Variants in ZNF431 observed in about 807,000 individuals in gnomAD.
ZNF431 encodes zinc finger protein 431.
A neutral mutation model predicts 57.0 loss-of-function variants in ZNF431; 34 were observed. That is an observed-to-expected ratio of 0.60 (90% CI 0.45 to 0.79). The LOEUF (loss-of-function observed/expected upper bound fraction) is 0.79, where lower values mean the gene tolerates loss of function less well. Ranked by LOEUF, ZNF431 falls within the 30% of genes least tolerant of loss-of-function variation. The pLI is 0.00. For synonymous variants in ZNF431, 207 were observed against 220.3 expected, an observed-to-expected ratio of 0.94 and a Z score of 0.54; for missense variants, 607 against 667.1, an observed-to-expected ratio of 0.91 and a Z score of 0.99.
chr19:21,162,204 A>G (rs535366517), intron 2 of ZNF431, among the ~76,000 whole-genome samples: 88 of 148,724 alleles, frequency 5.9e-4, no homozygotes, highest in African/African-American at 2.0e-3. Flanking sequence ...AATGGAGTCT[A>G]GCTCTGTAGC....
intron 4 of ZNF431, among the ~76,000 whole-genome samples, chr19:21,171,841 C>T (rs1970903087): frequency 6.6e-6 from 1 of 150,574 alleles, no homozygotes; most frequent in South Asian, 2.1e-4. Context: ...CTGCCTCAGC[C>T]TCCTGAGTTG....
chr19:21,149,263 A>C (rs1970195999), intron 2 of ZNF431, among the ~76,000 whole-genome samples: 1 of 152,228 alleles, frequency 6.6e-6, no homozygotes, highest in Non-Finnish European at 1.5e-5. Flanking sequence ...AATTTTTAAA[A>C]GTCAAAGAGC....
intron 2 of ZNF431, among the ~76,000 whole-genome samples, chr19:21,163,179 TAAAC>T (rs1970623926): frequency 6.6e-6 from 1 of 152,222 alleles, no homozygotes; most frequent in Non-Finnish European, 1.5e-5. Context: ...ACCTGCTTAA[TAAAC>T]ATTGCATTAT....
At chr19:21,146,980 C>A (rs913913840) in intron 2 of ZNF431, among the ~76,000 whole-genome samples, 2 of 152,160 alleles carry the variant, frequency 1.3e-5, no homozygotes, top group African/African-American at 4.8e-5. Flanking sequence ...GATATTTTTG[C>A]CTAACTATTC....
At chr19:21,165,774 C>T (rs1259951304) in intron 2 of ZNF431, among the ~76,000 whole-genome samples, 1 of 151,734 alleles carries the variant, frequency 6.6e-6, no homozygotes, top group East Asian at 1.9e-4. Flanking sequence ...ACTTTGTTTA[C>T]AAGCCAGAAA....
intron 4 of ZNF431, 93 bp from the exon 5 acceptor site, chr19:21,182,530 G>C (rs1329784743): frequency 3.0e-6 from 4 of 1,333,268 alleles, no homozygotes; most frequent in Non-Finnish European, 4.0e-6. Flanking sequence ...ATGGCATCTT[G>C]TTTATGTAGT....
In ZNF431 at chr19:21,166,364, A is replaced by C. The variant is rs775533589; in HGVS notation, c.126A>C (p.Ile42=). ...CATTGACATTTAGGGATGTGGCCAT[A>C]GAATTCTCTCTGGAGGAGTGGGAAT... ...KETLTFRDVA[I]EFSLEEWECL... The change falls in exon 3 of 5, where the codon ATA becomes ATC. Residue 42 remains isoleucine (I), a synonymous_variant. Coordinates refer to ENST00000311048, the MANE Select transcript of ZNF431 (RefSeq NM_133473.4). 9.3e-6 allele frequency: 15 copies of C among 1,613,432 alleles called. No homozygotes were observed. The highest frequency in any genetic ancestry group is 6.7e-5 in the Admixed American group (4 of 59,838).
chr19:21,158,172 GT>G (rs1970473400), intron 2 of ZNF431, among the ~76,000 whole-genome samples: 1 of 151,918 alleles, frequency 6.6e-6, no homozygotes, highest in East Asian at 1.9e-4. Context: ...AGCATAACAT[GT>G]TTTTTTAATT....
At chr19:21,175,382 A>T in intron 4 of ZNF431, 1 of 692,904 alleles carries the variant, frequency 1.4e-6, no homozygotes. Context: ...GCTTAAAGAT[A>T]TAAAGTTACT....
At chr19:21,169,815 A>G (rs1369198696) in intron 4 of ZNF431, 6 of 398,446 alleles carry the variant, frequency 1.5e-5, no homozygotes, top group Non-Finnish European at 2.2e-5. Context: ...AAAACTGATC[A>G]TGATCTGCGG....
At position 21,167,593 on chromosome 19, in the gene ZNF431, C is replaced by T; in HGVS notation, c.246C>T (p.Asp82=). Residue 82 remains aspartate, a synonymous_variant, in exon 4 of 5, where the codon GAC becomes GAT. Coordinates refer to ENST00000311048, the MANE Select transcript of ZNF431 (RefSeq NM_133473.4). ...CAGGTGTTGCTGTCTCTAAGCAAGACCCAGTCACCTGTCTGGAGCAAGAAA... is the reference window on the plus strand; with the variant it reads ...CAGGTGTTGCTGTCTCTAAGCAAGATCCAGTCACCTGTCTGGAGCAAGAAA... The part of the protein sequence containing the change: ...VFLGVAVSKQ[D]PVTCLEQEKE... 2 of 1,580,268 alleles carry T rather than the reference C, an allele frequency of 1.3e-6. No homozygotes were observed. The highest frequency in any genetic ancestry group is 1.7e-6 in the Non-Finnish European group (2 of 1,163,866).
At chr19:21,146,531 G>A (rs1009302956) in intron 2 of ZNF431, among the ~76,000 whole-genome samples, 2 of 152,118 alleles carry the variant, frequency 1.3e-5, no homozygotes, top group Admixed American at 1.3e-4. Context: ...TTGATTATAT[G>A]CTAAACAAGG....
intron 4 of ZNF431, among the ~76,000 whole-genome samples, chr19:21,174,836 G>C (rs1052984777): frequency 6.6e-6 from 1 of 151,782 alleles, no homozygotes; most frequent in Non-Finnish European, 1.5e-5. Context: ...CAATGGCATC[G>C]ATCTCTGCTC....
intron 2 of ZNF431, among the ~76,000 whole-genome samples, chr19:21,160,033 G>A (rs541533754): frequency 6.8e-6 from 1 of 146,812 alleles, no homozygotes; most frequent in East Asian, 2.0e-4. Context: ...TGCTAGAACA[G>A]CCTCTATGAG....
intron 2 of ZNF431, chr19:21,150,933 G>A (rs1410926599): frequency 6.9e-6 from 1 of 144,580 alleles, no homozygotes; most frequent in African/African-American, 2.7e-5. Flanking sequence ...AGTTTCATGA[G>A]GAAAAAGTGT....
chr19:21,150,940 G>A (rs1970254752), intron 2 of ZNF431: 2 of 103,002 alleles, frequency 1.9e-5, no homozygotes, highest in South Asian at 4.9e-4. Flanking sequence ...TGAGGAAAAA[G>A]TGTTTCTCAA....
intron 1 of ZNF431, among the ~76,000 whole-genome samples, chr19:21,142,847 A>G (rs2144909979): frequency 6.6e-6 from 1 of 152,162 alleles, no homozygotes; most frequent in East Asian, 1.9e-4. Flanking sequence ...GTTAGGGCTG[A>G]GTTTTGTTTC....
chr19:21,145,838 AG>A (rs1345748386), intron 2 of ZNF431, among the ~76,000 whole-genome samples: 1 of 152,208 alleles, frequency 6.6e-6, no homozygotes, highest in African/African-American at 2.4e-5. Context: ...AGGAGCAAAC[AG>A]GATTAGAAAG....
At position 21,184,074 on chromosome 19, in the gene ZNF431, G is replaced by A. The variant is rs765020967; in HGVS notation, c.*40G>A. The A allele has an allele frequency of 1.5e-5, 22 of 1,510,598 alleles. No individual in the cohort carries two copies. The highest frequency in any genetic ancestry group is 1.9e-5 in the Non-Finnish European group (22 of 1,132,386). 93.6% of individuals were successfully genotyped at this position (1,510,598 alleles called of 1,614,324 possible). A position where few individuals can be genotyped will look rare whatever the true frequency, so the allele number is the denominator to read the frequency against. On this transcript the variant is annotated 3_prime_UTR_variant, in exon 5 of 5. Coordinates refer to ENST00000311048, the MANE Select transcript of ZNF431 (RefSeq NM_133473.4). ...TTACTAAGCATTAAATATTGGCCGG[G>A]TGCGGTGGCTTATGCAAAATGGCTC... is the stretch of plus-strand genomic sequence containing the variant.
Sources: allele counts gnomAD v4.1 joint callset (sites outside exome capture counted in the v4.1 genomes callset), GRCh38; gene constraint gnomAD v4.1.1; transcripts MANE v1.5; gene names NCBI Gene and HGNC (gene_info 2026-07-23, HGNC 2026-07-21).